Variants in ABL2 observed in about 807,000 individuals in gnomAD.
ABL2 encodes ABL proto-oncogene 2, non-receptor tyrosine kinase.
ABL2 carries 49 observed loss-of-function variants against 107.7 expected under a neutral mutation model. The observed-to-expected ratio is 0.45, with a 90% CI of 0.36 to 0.58. The LOEUF (loss-of-function observed/expected upper bound fraction) is 0.58, where lower values mean the gene tolerates loss of function less well. Ranked by LOEUF, ABL2 falls within the 20% of genes least tolerant of loss-of-function variation. The pLI is 0.00. For missense variants in ABL2, 1,245 were observed against 1,457.0 expected, an observed-to-expected ratio of 0.85 and a Z score of 2.37; for synonymous variants, 549 against 548.6, an observed-to-expected ratio of 1.00 and a Z score of -0.01.
At chr1:179,210,232 G>A (rs1477427469) in intron 1 of ABL2, among the ~76,000 whole-genome samples, 5 of 152,138 alleles carry the variant, frequency 3.3e-5, no homozygotes, top group Admixed American at 1.3e-4. Context: ...CCGGCCAGGT[G>A]CGGTGGCTCA....
chr1:179,217,199 C>A (rs1204840209), intron 1 of ABL2, among the ~76,000 whole-genome samples: 1 of 151,590 alleles, frequency 6.6e-6, no homozygotes, highest in Non-Finnish European at 1.5e-5. Flanking sequence ...GAGGCTGAAG[C>A]AGGAAAATCG....
chr1:179,197,656 G>C (rs984251876), intron 1 of ABL2, among the ~76,000 whole-genome samples: 4 of 151,870 alleles, frequency 2.6e-5, no homozygotes, highest in Non-Finnish European at 5.9e-5. Context: ...ATCACCTGAG[G>C]TCAGGAGTTT....
chr1:179,229,204 C>CCCCCCCCCCCCCCCCCCCACA, intron 1 of ABL2, 37 bp downstream of exon 1: 1 of 1,448,286 alleles, frequency 6.9e-7, no homozygotes. Flanking sequence ...CCCCCGGCCT[C>CCCCCCCCCCCCCCCCCCCACA]CCCCACGCTC....
chr1:179,138,525 G>T (rs1019217000), intron 1 of ABL2, among the ~76,000 whole-genome samples: 11 of 152,188 alleles, frequency 7.2e-5, no homozygotes. Context: ...ACACCATTGG[G>T]ACTCAATATG....
At chr1:179,121,535 T>A (rs1402496246) in intron 5 of ABL2, 60 bp downstream of exon 5, 3 of 1,568,360 alleles carry the variant, frequency 1.9e-6, no homozygotes, top group Non-Finnish European at 2.6e-6. Flanking sequence ...TGCTGATATT[T>A]CCAAGTGATT....
intron 1 of ABL2, among the ~76,000 whole-genome samples, chr1:179,226,800 A>G (rs1663242650): frequency 6.6e-6 from 1 of 152,222 alleles, no homozygotes; most frequent in South Asian, 2.1e-4. Context: ...TAAGCAGCCA[A>G]GCAAGGTTTC....
rs577070970 is a variant in ABL2, at chr1:179,127,648, C to T, written c.392-976G>A. Among the ~76,000 whole-genome samples the T allele has an allele frequency of 2.6e-5, 4 of 152,300 alleles. No homozygotes were observed. In the South Asian group the frequency reaches 8.3e-4, roughly 32 times the overall value. The stretch of plus-strand genomic sequence containing the variant: ...TAAAGAATCCTTGTAGTGCCTCAGG[C>T]TCTTATCTCTAAGAGATGCAAGTCT... On this transcript the variant is annotated intron_variant, in intron 3 of 11. Transcript: ENST00000502732.
chr1:179,136,452 G>T (rs1390195093), intron 1 of ABL2, among the ~76,000 whole-genome samples: 2 of 152,140 alleles, frequency 1.3e-5, no homozygotes, highest in Non-Finnish European at 2.9e-5. Context: ...CATCCACTCA[G>T]GGTTGAATGG....
At chr1:179,191,413 CTTTTTTTT>C (rs35362624) in intron 1 of ABL2, among the ~76,000 whole-genome samples, 64 of 77,192 alleles carry the variant, frequency 8.3e-4, no homozygotes, top group Middle Eastern at 9.8e-3. Context: ...TATGAAATCC[CTTTTTTTT>C]TTTTTTTTTT....
chr1:179,163,866 A>G (rs1157938753), intron 1 of ABL2, among the ~76,000 whole-genome samples: 1 of 152,256 alleles, frequency 6.6e-6, no homozygotes, highest in Non-Finnish European at 1.5e-5. Flanking sequence ...CCACTCAACA[A>G]TACAAAGGAA....
At chr1:179,227,188 T>C (rs1663264366) in intron 1 of ABL2, among the ~76,000 whole-genome samples, 3 of 152,206 alleles carry the variant, frequency 2.0e-5, no homozygotes, top group Non-Finnish European at 4.4e-5. Flanking sequence ...CATAAAATCT[T>C]AAAACCAGAA....
intron 1 of ABL2, among the ~76,000 whole-genome samples, chr1:179,198,034 G>A (rs1016184684): frequency 4.6e-5 from 7 of 151,722 alleles, no homozygotes; most frequent in African/African-American, 9.7e-5. Context: ...ATTAGCTGGC[G>A]TGGTGGCACA....
intron 10 of ABL2, chr1:179,110,875 A>G: frequency 6.2e-7 from 1 of 1,613,436 alleles, no homozygotes; most frequent in Non-Finnish European, 8.5e-7. Flanking sequence ...ACGTGTATTC[A>G]GGTTTATTAG....
intron 4 of ABL2, among the ~76,000 whole-genome samples, chr1:179,122,151 T>C (rs896953193): frequency 6.6e-6 from 1 of 151,596 alleles, no homozygotes; most frequent in Non-Finnish European, 1.5e-5. Flanking sequence ...CCTGACCTCG[T>C]GATCTGCCGG....
chr1:179,134,156 A>G (rs1000734670), intron 1 of ABL2, among the ~76,000 whole-genome samples: 1 of 152,256 alleles, frequency 6.6e-6, no homozygotes, highest in African/African-American at 2.4e-5. Context: ...TATGTGTTTA[A>G]TAACTGTTAG....
chr1:179,129,986 C>A (rs1265497453), intron 3 of ABL2, among the ~76,000 whole-genome samples: 1 of 152,156 alleles, frequency 6.6e-6, no homozygotes, highest in Non-Finnish European at 1.5e-5. Context: ...GTCGCCCAGG[C>A]TGGGGTGCAG....
intron 1 of ABL2, among the ~76,000 whole-genome samples, chr1:179,192,284 T>A (rs1661070496): frequency 6.6e-6 from 1 of 152,176 alleles, no homozygotes; most frequent in South Asian, 2.1e-4. Context: ...CACCACTCTC[T>A]AGCTGTTTCC....
chr1:179,160,406 T>C (rs1658988479), intron 1 of ABL2, among the ~76,000 whole-genome samples: 1 of 152,054 alleles, frequency 6.6e-6, no homozygotes, highest in Admixed American at 6.6e-5. Context: ...TATATACTTC[T>C]ACATCATTCC....
chr1:179,188,075 TC>T (rs1660776677), intron 1 of ABL2, among the ~76,000 whole-genome samples: 5 of 152,312 alleles, frequency 3.3e-5, no homozygotes, highest in Admixed American at 3.3e-4. Flanking sequence ...TCTAGCCTCT[TC>T]TGCCATTCTG....
Sources: gnomAD v4.1 joint callset for allele counts (sites outside exome capture counted in the v4.1 genomes callset) on GRCh38, gnomAD v4.1.1 for gene constraint, MANE v1.5 for transcripts, NCBI Gene and HGNC (gene_info 2026-07-23, HGNC 2026-07-21) for gene names.